Variants in RAB3IL1 observed in about 807,000 individuals in gnomAD.
RAB3IL1 encodes the protein RAB3A interacting protein like 1, also known as guanine nucleotide exchange factor for Rab-3A.
A neutral mutation model predicts 49.2 loss-of-function variants in RAB3IL1; 37 were observed. The observed-to-expected ratio is 0.75, with a 90% CI of 0.58 to 0.99. The LOEUF (loss-of-function observed/expected upper bound fraction) is 0.99, where lower values mean the gene tolerates loss of function less well. RAB3IL1 is among the 50% of genes least tolerant of loss of function. The pLI is 0.00. For synonymous variants in RAB3IL1, 193 were observed against 213.9 expected, an observed-to-expected ratio of 0.90 and a Z score of 0.85; for missense variants, 484 against 513.0, an observed-to-expected ratio of 0.94 and a Z score of 0.55.
chr11:61,904,362 G>C (rs112616074), intron 7 of RAB3IL1, among the ~76,000 whole-genome samples, 184 bp downstream of exon 7: 7 of 152,100 alleles, frequency 4.6e-5, no homozygotes, highest in Non-Finnish European at 8.8e-5. Context: ...CCTAGCTCCC[G>C]GCCTCTCTGG....
At chr11:61,935,785 G>A in the RAB3IL1 span, among the ~76,000 whole-genome samples, 67 of 152,034 alleles carry the variant, frequency 4.4e-4, no homozygotes, top group Non-Finnish European at 2.5e-4. Context: ...AAAGTGCTGC[G>A]ATTACAGGGG....
At chr11:61,929,884 C>CTTTTTTTTT in the RAB3IL1 span, among the ~76,000 whole-genome samples, 2 of 66,380 alleles carry the variant, frequency 3.0e-5, no homozygotes, top group Admixed American at 2.7e-4. Flanking sequence ...CCGCGCCCGG[C>CTTTTTTTTT]TTTTTTTTTT....
chr11:61,906,754 G>A lies in RAB3IL1; in HGVS notation c.439-70C>T. On this transcript the variant is annotated intron_variant, in intron 4 of 9. Transcript: ENST00000394836. This position sits in a 1 kb window ranked among gnomAD's most constrained non-coding sequence, Gnocchi z 4.6. Reference sequence around the variant, plus strand: ...CCATCCTGGCTGCCACCGCCTATCAGCCTAACTCAGGACAATGCACCCCTG... The same window carrying A: ...CCATCCTGGCTGCCACCGCCTATCAACCTAACTCAGGACAATGCACCCCTG... 2 of 1,421,652 alleles carry A rather than the reference G, an allele frequency of 1.4e-6. No homozygotes were observed. Among genetic ancestry groups the A allele is most frequent in the Non-Finnish European group, 1.9e-6 (2 of 1,035,118 alleles). 88.1% of individuals were successfully genotyped at this position (1,421,652 alleles called of 1,614,324 possible).
the RAB3IL1 span, among the ~76,000 whole-genome samples, chr11:61,927,043 C>A: frequency 6.6e-6 from 1 of 152,128 alleles, no homozygotes; most frequent in Non-Finnish European, 1.5e-5. Flanking sequence ...GGGGTTTCAG[C>A]ATGTTGGCGA....
At chr11:61,908,379 C>A (rs1659999054) in intron 1 of RAB3IL1, 73 bp from the exon 2 acceptor site, 1 of 1,332,730 alleles carries the variant, frequency 7.5e-7, no homozygotes, top group African/African-American at 1.5e-5. Context: ...CCAGAAACCG[C>A]CCCGGGGCAA....
At chr11:61,918,177 C>G (rs763146346), upstream of RAB3IL1, among the ~76,000 whole-genome samples, 2 of 152,050 alleles carry the variant, frequency 1.3e-5, no homozygotes, top group Non-Finnish European at 2.9e-5. Flanking sequence ...ACACACCTGT[C>G]TGGTCCCACA....
chr11:61,915,446 A>AGATCG (rs1939636458), intron 1 of RAB3IL1, among the ~76,000 whole-genome samples: 1 of 151,814 alleles, frequency 6.6e-6, no homozygotes, highest in African/African-American at 2.4e-5. Context: ...ACCTGCGATC[A>AGATCG]CTCCCACCCC....
chr11:61,935,865 C>G, the RAB3IL1 span, among the ~76,000 whole-genome samples: 109 of 151,266 alleles, frequency 7.2e-4, 1 homozygote, highest in Admixed American at 5.8e-3. Context: ...ACCATGAGAA[C>G]TATATCTCAC....
chr11:61,934,000 C>T, the RAB3IL1 span, among the ~76,000 whole-genome samples: 8 of 151,968 alleles, frequency 5.3e-5, no homozygotes, highest in Non-Finnish European at 1.0e-4. Context: ...CCAGTGAGGA[C>T]TCAGAACAAA....
At chr11:61,943,051 A>G in the RAB3IL1 span, among the ~76,000 whole-genome samples, 3 of 152,166 alleles carry the variant, frequency 2.0e-5, no homozygotes, top group Admixed American at 2.0e-4. Context: ...AATAGCTAAA[A>G]CCATCTTGAA....
At chr11:61,916,164 T>G (rs969563502) in intron 1 of RAB3IL1, among the ~76,000 whole-genome samples, 2 of 151,798 alleles carry the variant, frequency 1.3e-5, no homozygotes, top group African/African-American at 4.8e-5. Context: ...TGATCAATAT[T>G]GTGAAACCCC....
chr11:61,908,291 G>C lies in RAB3IL1; in HGVS notation c.27C>G (p.Asp9Glu). 2 of 1,487,052 alleles carry C rather than the reference G, an allele frequency of 1.3e-6. No homozygotes were observed. Among genetic ancestry groups the C allele is most frequent in the South Asian group, 2.7e-5 (2 of 73,892 alleles). The allele number at this position is 1,487,052 out of a possible 1,614,324, so 92.1% of individuals were successfully genotyped here. MWSGPPQP[D>E]QGLPPPLAAV... ...CTGCAAGGGGCGGCGGGAGGCCCTG[G>C]TCTGGCTGGGGTGGGCTGGAGACAA... Residue 9 changes from aspartate to glutamate, a missense_variant, in exon 2 of 10, where the codon GAC becomes GAG. Coordinates refer to ENST00000394836, the MANE Select transcript of RAB3IL1 (RefSeq NM_013401.4).
At chr11:61,921,684 C>A (rs1939911695), upstream of RAB3IL1, among the ~76,000 whole-genome samples, 1 of 152,214 alleles carries the variant, frequency 6.6e-6, no homozygotes, top group South Asian at 2.1e-4. Context: ...TCACCCTTCT[C>A]AGTGTCACCT....
chr11:61,909,133 C>T (rs929729673), intron 1 of RAB3IL1, among the ~76,000 whole-genome samples: 4 of 152,232 alleles, frequency 2.6e-5, no homozygotes, highest in African/African-American at 9.6e-5. Flanking sequence ...GACTCGCTCA[C>T]TCAGCAAAAG....
At chr11:61,942,212 A>G in the RAB3IL1 span, among the ~76,000 whole-genome samples, 2 of 152,240 alleles carry the variant, frequency 1.3e-5, no homozygotes, top group African/African-American at 2.4e-5. Flanking sequence ...ACTCCGTCTC[A>G]AAACAAACAA....
intron 7 of RAB3IL1, among the ~76,000 whole-genome samples, chr11:61,902,926 C>T (rs1445418939): frequency 1.3e-5 from 2 of 152,168 alleles, no homozygotes; most frequent in African/African-American, 2.4e-5. Flanking sequence ...CTGGCTGCCT[C>T]CCGCTTCCCA....
At chr11:61,939,397 C>G in the RAB3IL1 span, among the ~76,000 whole-genome samples, 3 of 152,064 alleles carry the variant, frequency 2.0e-5, no homozygotes, top group Non-Finnish European at 4.4e-5. Context: ...AAATTTATAG[C>G]TGTAAAAACC....
intron 1 of RAB3IL1, 63 bp downstream of exon 1, chr11:61,917,293 TC>T: frequency 7.4e-7 from 1 of 1,351,398 alleles, no homozygotes; most frequent in Non-Finnish European, 9.5e-7. Context: ...CCCGAAATCC[TC>T]CCGTCCCGGG....
intron 2 of RAB3IL1, 51 bp downstream of exon 2, chr11:61,908,003 C>A: frequency 6.4e-7 from 1 of 1,560,790 alleles, no homozygotes. Context: ...ACAGCTCTCC[C>A]AACCTGACTT....
Sources: gnomAD v4.1 joint callset for allele counts (sites outside exome capture counted in the v4.1 genomes callset) on GRCh38, gnomAD v4.1.1 for gene constraint, Gnocchi (gnomAD v3.1) non-coding constraint, MANE v1.5 for transcripts, NCBI Gene and HGNC (gene_info 2026-07-23, HGNC 2026-07-21) for gene names.